Variants in UNC45B observed in about 807,000 individuals in gnomAD.
UNC45B encodes unc-45 myosin chaperone B, also known as protein unc-45 homolog B.
In UNC45B, 78 loss-of-function variants were observed where a neutral mutation model predicts 98.7. The observed-to-expected ratio is 0.79, with a 90% CI of 0.66 to 0.95. The LOEUF (loss-of-function observed/expected upper bound fraction) is 0.95, where lower values mean the gene tolerates loss of function less well. Ranked by LOEUF, UNC45B falls within the 40% of genes least tolerant of loss-of-function variation. The probability of loss-of-function intolerance (pLI) is 0.00; values close to 1 mark genes in which losing one functional copy is unlikely to be tolerated. For synonymous variants in UNC45B, 462 were observed against 480.4 expected, an observed-to-expected ratio of 0.96 and a Z score of 0.50; for missense variants, 1,225 against 1,184.9, an observed-to-expected ratio of 1.03 and a Z score of -0.50.
intron 13 of UNC45B, among the ~76,000 whole-genome samples, chr17:35,173,366 T>A (rs2092202766): frequency 6.6e-6 from 1 of 151,934 alleles, no homozygotes; most frequent in Non-Finnish European, 1.5e-5. Flanking sequence ...GCTCAAGTGG[T>A]CCACCCACCT....
chr17:35,166,572 C>G (rs892402292), intron 9 of UNC45B, among the ~76,000 whole-genome samples: 2 of 152,204 alleles, frequency 1.3e-5, no homozygotes, highest in African/African-American at 4.8e-5. Context: ...GTGCCCCAGC[C>G]TGCCCCTAGC....
Position 35,152,998 on chromosome 17 carries a change from T to G in UNC45B, c.471+16T>G. The stretch of plus-strand genomic sequence containing the variant: ...GCGGGAAAAGGTGAGTGCTGGCCAG[T>G]GCCATCCAGCCAGCAGAAGGACCCG... On this transcript the variant is annotated intron_variant, in intron 5 of 19. Transcript: ENST00000394570. 8 of 1,545,110 alleles carry G rather than the reference T, an allele frequency of 5.2e-6. No individual in the cohort carries two copies. Among genetic ancestry groups the G allele is most frequent in the Non-Finnish European group, 5.3e-6 (6 of 1,128,718 alleles).
intron 3 of UNC45B, among the ~76,000 whole-genome samples, chr17:35,149,422 G>GTTTTGTTTT (rs1457156999): frequency 6.6e-6 from 1 of 151,962 alleles, no homozygotes; most frequent in Non-Finnish European, 1.5e-5. Context: ...GTTTTGTTTT[G>GTTTTGTTTT]TTTTGTTTTT....
rs183726924 is a variant in UNC45B at position 35,150,464 on chromosome 17, T to C, written c.381+241T>C. Among the ~76,000 whole-genome samples the C allele has an allele frequency of 4.9e-3, 746 of 152,234 alleles. 12 individuals are homozygous for C. Among genetic ancestry groups the C allele is most frequent in the African/African-American group, 0.017 (726 of 41,542 alleles). On this transcript the variant is annotated intron_variant, in intron 4 of 19. Coordinates refer to ENST00000394570, the MANE Select transcript of UNC45B (RefSeq NM_001267052.2). Reference sequence around the variant, plus strand: ...GAACACAGGTCTTTTAAATTCCAGATGGGGCCAGGCACAGTGGCTCATGCT... The same window carrying C: ...GAACACAGGTCTTTTAAATTCCAGACGGGGCCAGGCACAGTGGCTCATGCT...
Position 35,150,146 on chromosome 17 carries a change from C to A in UNC45B, c.304C>A (p.Arg102Ser). ...GGACCAGGCCTTCAAAGACGTGCAG[C>A]GTTGTGCCACCCTCGAGCCACGGAA... ...KLDQAFKDVQ[R>S]CATLEPRNQN... Residue 102 changes from arginine (R) to serine (S), a missense_variant, in exon 4 of 20, where the codon CGT (arginine) becomes AGT (serine). Transcript: ENST00000394570. 6.2e-7 allele frequency: 1 copy of A among 1,613,874 alleles called. No homozygotes were observed. Among genetic ancestry groups the A allele is most frequent in the Middle Eastern group, 1.7e-4 (1 of 6,060 alleles).
At chr17:35,170,953 A>G (rs1273135524) in intron 12 of UNC45B, among the ~76,000 whole-genome samples, 1 of 151,870 alleles carries the variant, frequency 6.6e-6, no homozygotes, top group Non-Finnish European at 1.5e-5. Context: ...GCCCTTTTCT[A>G]CCAGTAAATG....
intron 8 of UNC45B, 126 bp from the exon 9 acceptor site, chr17:35,163,869 G>A: frequency 5.3e-6 from 6 of 1,133,606 alleles, no homozygotes; most frequent in Non-Finnish European, 7.3e-6. Flanking sequence ...TTTCATTCTG[G>A]ATGAACCACA....
chr17:35,171,190 C>A, intron 12 of UNC45B, 132 bp from the exon 13 acceptor site: 1 of 1,184,370 alleles, frequency 8.4e-7, no homozygotes, highest in Non-Finnish European at 1.2e-6. Flanking sequence ...GCTGTCTTTC[C>A]TCAGAATGGG....
intron 2 of UNC45B, 47 bp from the exon 3 acceptor site, chr17:35,148,926 A>T: frequency 6.2e-7 from 1 of 1,612,442 alleles, no homozygotes; most frequent in Non-Finnish European, 8.5e-7. Context: ...CCATCTCTGC[A>T]TTGGGCCCAC....
At chr17:35,164,780 G>A (rs2092126585) in intron 9 of UNC45B, 1 of 152,158 alleles carries the variant, frequency 6.6e-6, no homozygotes, top group East Asian at 1.9e-4. Context: ...GGAGTGCAGT[G>A]ACACAATCAT....
At chr17:35,182,641 G>A (rs1254943117) in intron 18 of UNC45B, among the ~76,000 whole-genome samples, 5 of 152,058 alleles carry the variant, frequency 3.3e-5, no homozygotes, top group Admixed American at 6.5e-5. Flanking sequence ...CATGAGAGGG[G>A]GCCATGCTGA....
chr17:35,158,969 T>G (rs1421906044), intron 7 of UNC45B, among the ~76,000 whole-genome samples: 2 of 152,236 alleles, frequency 1.3e-5, no homozygotes, highest in East Asian at 3.8e-4. Flanking sequence ...GCTCCCAGCA[T>G]GCCTGAATCT....
At position 35,154,755 on chromosome 17, in the gene UNC45B, T is replaced by C; in HGVS notation, c.639+14T>C. ...CACCAAGCCAGAGTAAGTGCCCGGC[T>C]GTGGGGCATGTGGAGCAGACGACTG... is the stretch of plus-strand genomic sequence containing the variant. On this transcript the variant is annotated intron_variant, in intron 6 of 19. Transcript: ENST00000394570. 6.4e-7 allele frequency: 1 copy of C among 1,562,572 alleles called. No individual in the cohort carries two copies. The highest frequency in any genetic ancestry group is 8.6e-7 in the Non-Finnish European group (1 of 1,160,418).
intron 1 of UNC45B, 62 bp downstream of exon 1, chr17:35,147,972 G>A (rs2091985672): frequency 2.5e-6 from 1 of 402,066 alleles, no homozygotes; most frequent in Admixed American, 3.8e-5. Context: ...TCTAAGACCT[G>A]CAATGAGAGT....
chr17:35,167,390 T>C (rs926432842), intron 9 of UNC45B, among the ~76,000 whole-genome samples: 1 of 152,054 alleles, frequency 6.6e-6, no homozygotes, highest in East Asian at 1.9e-4. Flanking sequence ...GGAGGCCAGG[T>C]GGAAAGATCA....
At chr17:35,171,985 AT>A (rs2092190503) in intron 13 of UNC45B, among the ~76,000 whole-genome samples, 1 of 136,604 alleles carries the variant, frequency 7.3e-6, no homozygotes, top group African/African-American at 3.1e-5. Flanking sequence ...CAATAAAATC[AT>A]TTAGATTTTT....
intron 7 of UNC45B, 32 bp from the exon 8 acceptor site, chr17:35,159,343 C>T (rs759228544): frequency 1.3e-6 from 2 of 1,593,910 alleles, no homozygotes; most frequent in Admixed American, 1.7e-5. Flanking sequence ...TTTCCTACCC[C>T]TCTCTACTTA....
chr17:35,189,249 T>A lies in UNC45B; in HGVS notation c.*2690T>A, dbSNP rs1010460125. 1 of 152,204 alleles carries A rather than the reference T, an allele frequency of 6.6e-6. No individual in the cohort carries two copies. The highest frequency in any genetic ancestry group is 1.5e-5 in the Non-Finnish European group (1 of 68,026). 9.4% of individuals were successfully genotyped at this position (152,204 alleles called of 1,614,324 possible). On this transcript the variant is annotated 3_prime_UTR_variant, in exon 20 of 20. Transcript: ENST00000394570. ...GAAGCATACAGTTTTAAAGTTTATA[T>A]CTCCAAAAGGATATTTTGTAAAAAT...
chr17:35,175,662 G>C (rs534178378), intron 14 of UNC45B, among the ~76,000 whole-genome samples: 1 of 152,174 alleles, frequency 6.6e-6, no homozygotes, highest in Non-Finnish European at 1.5e-5. Flanking sequence ...GCCAGATCAC[G>C]GAGGACCTGG....
Sources: gnomAD v4.1 joint callset for allele counts (sites outside exome capture counted in the v4.1 genomes callset) on GRCh38, gnomAD v4.1.1 for gene constraint, MANE v1.5 for transcripts, NCBI Gene and HGNC (gene_info 2026-07-23, HGNC 2026-07-21) for gene names.